The following TNFRSF10D variants were observed in gnomAD, a reference collection of about 807,000 sequenced individuals.
TNFRSF10D encodes the protein TNF receptor superfamily member 10d, also known as tumor necrosis factor receptor superfamily member 10D.
TNFRSF10D carries 28 observed loss-of-function variants against 42.1 expected under a neutral mutation model. The observed-to-expected ratio is 0.66, with a 90% CI of 0.49 to 0.91. The LOEUF (loss-of-function observed/expected upper bound fraction) is 0.91. TNFRSF10D is among the 40% of genes least tolerant of loss of function. The pLI, the probability that TNFRSF10D is intolerant of heterozygous loss-of-function variation, is 0.00. For missense variants in TNFRSF10D, 503 were observed against 486.1 expected (o/e 1.03, Z -0.33); for synonymous variants, 186 against 189.4 (o/e 0.98, Z 0.15).
intron 1 of TNFRSF10D, among the ~76,000 whole-genome samples, chr8:23,159,477 T>C (rs2128839868): frequency 6.6e-6 from 1 of 152,312 alleles, no homozygotes; most frequent in East Asian, 1.9e-4. Flanking sequence ...TCCATATATT[T>C]ACTAGCTTCT....
chr8:23,142,639 G>A (rs779743221), intron 7 of TNFRSF10D, among the ~76,000 whole-genome samples: 38 of 152,254 alleles, frequency 2.5e-4, no homozygotes, highest in Non-Finnish European at 4.0e-4. Context: ...AAAACTAACT[G>A]TTGGATACTG....
Position 23,148,529 on chromosome 8 carries a change from A to G in TNFRSF10D, c.279T>C (p.Thr93=). 6.2e-7 allele frequency: 1 copy of G among 1,609,828 alleles called. No homozygotes were observed. The change falls in exon 3 of 9, where the codon ACT becomes ACC. Residue 93 remains threonine, a synonymous_variant. Coordinates refer to ENST00000312584, the MANE Select transcript of TNFRSF10D (RefSeq NM_003840.5). ...CPAGSHRSEY[T]GACNPCTEGV... ...CCTCTGTGCACGGGTTACAGGCTCCAGTATATTCTGATCTATGAGATCCTG... is the reference window on the plus strand; with the variant it reads ...CCTCTGTGCACGGGTTACAGGCTCCGGTATATTCTGATCTATGAGATCCTG...
At chr8:23,142,900 C>T (rs1304346383) in intron 7 of TNFRSF10D, among the ~76,000 whole-genome samples, 1 of 152,000 alleles carries the variant, frequency 6.6e-6, no homozygotes, top group East Asian at 1.9e-4. Flanking sequence ...GTTGTATTCA[C>T]CTGAATGAAG....
intron 1 of TNFRSF10D, among the ~76,000 whole-genome samples, chr8:23,162,707 G>A (rs1223340791): frequency 2.4e-3 from 365 of 151,126 alleles, no homozygotes; most frequent in African/African-American, 7.6e-3. Flanking sequence ...GCCATCCCGC[G>A]GTCCTGCCTA....
intron 5 of TNFRSF10D, 79 bp downstream of exon 5, chr8:23,145,589 G>A (rs1270807172): frequency 5.6e-6 from 9 of 1,599,472 alleles, no homozygotes; most frequent in Non-Finnish European, 7.7e-6. Flanking sequence ...GCAGGGATGG[G>A]GATTACTGTC....
intron 2 of TNFRSF10D, among the ~76,000 whole-genome samples, chr8:23,152,043 C>T (rs1186698605): frequency 1.3e-5 from 2 of 152,182 alleles, no homozygotes; most frequent in Non-Finnish European, 2.9e-5. Context: ...ATTACTTTTA[C>T]TAGCAGTAGA....
Position 23,163,901 on chromosome 8 carries a change from G to C in TNFRSF10D, c.35C>G (p.Ser12Trp), listed in dbSNP as rs192763842. ...GLWGQSVPTA[S>W]SARAGRYPGA... ...TGGATAGCGCCCTGCTCGAGCGCTC[G>C]AGGCGGTCGGGACGCTTTGTCCCCA... The change falls in exon 1 of 9, where the codon TCG (serine) becomes TGG (tryptophan). Residue 12 changes from serine (S) to tryptophan (W), a missense_variant. Transcript: ENST00000312584. 3 of 1,590,116 alleles carry C rather than the reference G, an allele frequency of 1.9e-6. No homozygotes were observed. Among genetic ancestry groups the C allele is most frequent in the Middle Eastern group, 1.7e-4 (1 of 6,012 alleles).
chr8:23,144,538 T>C lies in TNFRSF10D; in HGVS notation c.866A>G (p.Gln289Arg). Residue 289 changes from glutamine to arginine, a missense_variant, in exon 7 of 9, where the codon CAG (glutamine) becomes CGG (arginine). By Grantham distance (43) the Gln-to-Arg change is conservative. Coordinates refer to ENST00000312584, the MANE Select transcript of TNFRSF10D (RefSeq NM_003840.5). ...TLSNRYLQPTQVSEQEIQGQE... is the reference protein window; with the variant it reads ...TLSNRYLQPTRVSEQEIQGQE... ...ACCTTGGATTTCCTGCTCAGAGACCTGGGTGGGCTGCAAGTATCTGTTACT... is the reference window on the plus strand; with the variant it reads ...ACCTTGGATTTCCTGCTCAGAGACCCGGGTGGGCTGCAAGTATCTGTTACT... The C allele has an allele frequency of 6.2e-7, 1 of 1,614,186 alleles. No homozygotes were observed. The highest frequency in any genetic ancestry group is 8.5e-7 in the Non-Finnish European group (1 of 1,180,030).
rs867464266 is a variant in TNFRSF10D, at chr8:23,140,407, C to G, written c.955-2147G>C. ...ACACACACACACACACACACACACA[C>G]ACACACACACAATACCTAGAAATAC... On this transcript the variant is annotated intron_variant, in intron 7 of 8. Transcript: ENST00000312584. Among the ~76,000 whole-genome samples the G allele has an allele frequency of 2.6e-3, 379 of 145,634 alleles. 3 individuals carry two copies. Among genetic ancestry groups the G allele is most frequent in the African/African-American group, 0.01 (367 of 36,248 alleles).
At chr8:23,158,167 CT>C (rs35207645) in intron 1 of TNFRSF10D, among the ~76,000 whole-genome samples, 25,103 of 151,988 alleles carry the variant, frequency 0.17, 2,731 homozygotes, top group East Asian at 0.6. Context: ...TGTTCTAAAG[CT>C]TTTTTAATAA....
chr8:23,150,646 A>T (rs2128838047), intron 2 of TNFRSF10D, among the ~76,000 whole-genome samples: 1 of 152,382 alleles, frequency 6.6e-6, no homozygotes, highest in African/African-American at 2.4e-5. Context: ...TGGATAGACA[A>T]CTAAGTCATG....
At position 23,146,742 on chromosome 8, in the gene TNFRSF10D, C is replaced by T. The variant is rs567468997; in HGVS notation, c.482+219G>A. Among the ~76,000 whole-genome samples the T allele has an allele frequency of 3.3e-5, 5 of 151,898 alleles. No homozygotes were observed. In the South Asian group the frequency reaches 1.0e-3, roughly 32 times the overall value. On this transcript the variant is annotated intron_variant, in intron 4 of 8. Transcript: ENST00000312584. The stretch of plus-strand genomic sequence containing the variant: ...ACAATTCAGCCTGGACAAAGGGACT[C>T]CTGCTGGGGAGGGTATGGGAAGGGG...
intron 4 of TNFRSF10D, 26 bp downstream of exon 4, chr8:23,146,935 T>C: frequency 6.3e-7 from 1 of 1,590,900 alleles, no homozygotes. Flanking sequence ...CTGAAAGCTG[T>C]TGGGAGCCCC....
chr8:23,144,537 C>G lies in TNFRSF10D; in HGVS notation c.867G>C (p.Gln289His). 6.2e-7 allele frequency: 1 copy of G among 1,614,218 alleles called. No individual in the cohort carries two copies. The highest frequency in any genetic ancestry group is 8.5e-7 in the Non-Finnish European group (1 of 1,180,040). Residue 289 changes from glutamine (Q) to histidine (H), a missense_variant, in exon 7 of 9, where the codon CAG becomes CAC. By Grantham distance (24) the Gln-to-His change is conservative. Transcript: ENST00000312584. ...TLSNRYLQPTQVSEQEIQGQE... is the reference protein window; with the variant it reads ...TLSNRYLQPTHVSEQEIQGQE... Reference sequence around the variant, plus strand: ...GACCTTGGATTTCCTGCTCAGAGACCTGGGTGGGCTGCAAGTATCTGTTAC... The same window carrying G: ...GACCTTGGATTTCCTGCTCAGAGACGTGGGTGGGCTGCAAGTATCTGTTAC...
At chr8:23,155,083 C>T (rs909666532) in intron 1 of TNFRSF10D, 104 bp from the exon 2 acceptor site, 30 of 899,488 alleles carry the variant, frequency 3.3e-5, no homozygotes, top group South Asian at 2.5e-4. Flanking sequence ...CCCATGAGAG[C>T]CTGGACTTTT....
At chr8:23,161,418 A>AAAT (rs1297433794) in intron 1 of TNFRSF10D, among the ~76,000 whole-genome samples, 453 of 151,460 alleles carry the variant, frequency 3.0e-3, no homozygotes, top group African/African-American at 9.8e-3. Flanking sequence ...CAGAGCCAGG[A>AAAT]CCTGGGGTCA....
At chr8:23,144,959 G>C in intron 6 of TNFRSF10D, 99 bp downstream of exon 6, 1 of 1,551,626 alleles carries the variant, frequency 6.4e-7, no homozygotes, top group South Asian at 1.1e-5. Flanking sequence ...AGTCAGGGCA[G>C]CCATGAGGAC....
At chr8:23,155,725 CA>C (rs972976256) in intron 1 of TNFRSF10D, among the ~76,000 whole-genome samples, 1 of 149,184 alleles carries the variant, frequency 6.7e-6, no homozygotes, top group Non-Finnish European at 1.5e-5. Flanking sequence ...AAACAAAAAA[CA>C]AAAAAACCAC....
In TNFRSF10D at chr8:23,156,444, C is replaced by T. The variant is rs563127900; in HGVS notation, c.151-1465G>A. Among the ~76,000 whole-genome samples, 12 of 152,288 alleles carry T rather than the reference C, an allele frequency of 7.9e-5. No individual in the cohort carries two copies. The East Asian group carries it at 1.9e-3, about 24-fold the overall frequency. On this transcript the variant is annotated intron_variant, in intron 1 of 8. Coordinates refer to ENST00000312584, the MANE Select transcript of TNFRSF10D (RefSeq NM_003840.5). Reference sequence around the variant, plus strand: ...TGACAGTGAAGCTAATGCACATTTCCCAAATCCTCCCTTCTAGAGCTGGGG... The same window carrying T: ...TGACAGTGAAGCTAATGCACATTTCTCAAATCCTCCCTTCTAGAGCTGGGG...
Sources: gnomAD v4.1 joint callset for allele counts (sites outside exome capture counted in the v4.1 genomes callset) on GRCh38, gnomAD v4.1.1 for gene constraint, MANE v1.5 for transcripts, NCBI Gene and HGNC (gene_info 2026-07-23, HGNC 2026-07-21) for gene names.